FAAH2: variants seen among roughly 807,000 people sequenced by gnomAD.
The protein encoded by FAAH2 is fatty acid amide hydrolase 2.
A neutral mutation model predicts 36.9 loss-of-function variants in FAAH2; 60 were observed. The observed-to-expected ratio is 1.63, with a 90% confidence interval of 1.32 to 2.02. The LOEUF is 2.02. FAAH2 is among the 30% of genes most tolerant of loss of function. The pLI is 0.00. For synonymous variants in FAAH2, 214 were observed against 143.8 expected, an observed-to-expected ratio of 1.49 and a Z score of -3.49; for missense variants, 689 against 397.5, an observed-to-expected ratio of 1.73 and a Z score of -6.23.
intron 5 of FAAH2, among the ~76,000 whole-genome samples, chrX:57,349,198 CATATACAT>C (rs1346581574): frequency 2.3e-5 from 2 of 87,432 alleles, no homozygotes; most frequent in African/African-American, 8.2e-5. Context: ...TGTATATATA[CATATACAT>C]ATATACATAT....
chrX:57,396,469 A>G (rs2055301933), intron 7 of FAAH2, among the ~76,000 whole-genome samples: 1 of 105,975 alleles, frequency 9.4e-6, no homozygotes, highest in Non-Finnish European at 1.9e-5. Flanking sequence ...GAAGGCATTT[A>G]ATGCCATGAT....
intron 7 of FAAH2, among the ~76,000 whole-genome samples, chrX:57,419,519 T>C (rs2055948587): frequency 8.9e-6 from 1 of 112,300 alleles, no homozygotes; most frequent in African/African-American, 3.2e-5. Context: ...ATGTCTTCTT[T>C]TGAGAAGTGT....
chrX:57,324,476 G>C (rs2053146208), intron 3 of FAAH2, among the ~76,000 whole-genome samples: 1 of 111,896 alleles, frequency 8.9e-6, no homozygotes, highest in Admixed American at 9.5e-5. Flanking sequence ...CCATGAGCAT[G>C]GAATTTTCTT....
chrX:57,355,562 G>A (rs2054138404), intron 5 of FAAH2, among the ~76,000 whole-genome samples: 1 of 110,541 alleles, frequency 9.0e-6, no homozygotes, highest in African/African-American at 3.3e-5. Context: ...CATTGTGAAT[G>A]GGATTGCTTT....
the FAAH2 span, among the ~76,000 whole-genome samples, chrX:57,167,125 G>T: frequency 1.8e-5 from 2 of 111,744 alleles, no homozygotes; most frequent in Admixed American, 1.9e-4. Flanking sequence ...CCACAAAGAT[G>T]GGAGCATTCT....
At chrX:57,216,565 CGTATAT>C in the FAAH2 span, among the ~76,000 whole-genome samples, 2,371 of 20,401 alleles carry the variant, frequency 0.12, 413 homozygotes, top group African/African-American at 0.39. Context: ...TATATATATA[CGTATAT>C]GTATATATAT....
Position 57,488,933 on chromosome X carries a change from G to A in FAAH2, c.*1G>A. The stretch of plus-strand genomic sequence containing the variant: ...CTGGGTCTGTCCAGGAAAGTTTTAG[G>A]AGGACCTTCTGCAAGGTTAATGTGT... On this transcript the variant is annotated 3_prime_UTR_variant, in exon 11 of 11. Transcript: ENST00000374900. 1 of 1,208,207 alleles carries A rather than the reference G, an allele frequency of 8.3e-7. No homozygotes were observed. Among genetic ancestry groups the A allele is most frequent in the Admixed American group, 2.2e-5 (1 of 45,343 alleles).
At chrX:57,159,153 T>C in the FAAH2 span, among the ~76,000 whole-genome samples, 377 of 112,060 alleles carry the variant, frequency 3.4e-3, 2 homozygotes, top group African/African-American at 0.012. Context: ...TAGTTGTAGA[T>C]GTGTGGCATT....
chrX:57,241,839 C>T, the FAAH2 span, among the ~76,000 whole-genome samples: 2 of 111,214 alleles, frequency 1.8e-5, no homozygotes, highest in African/African-American at 3.3e-5. Context: ...TAATGGCCTC[C>T]GGAACTCACC....
chrX:57,244,477 T>G, the FAAH2 span, among the ~76,000 whole-genome samples: 6 of 110,952 alleles, frequency 5.4e-5, no homozygotes, highest in South Asian at 3.8e-4. Context: ...AAGGAAAAAA[T>G]TATCAGGTCA....
chrX:57,148,099 CTG>C, the FAAH2 span, among the ~76,000 whole-genome samples: 1 of 110,285 alleles, frequency 9.1e-6, no homozygotes, highest in Non-Finnish European at 1.9e-5. Context: ...TCTGGGGGCT[CTG>C]TTCTGTTTCA....
the FAAH2 span, among the ~76,000 whole-genome samples, chrX:57,224,313 C>T: frequency 9.8e-5 from 11 of 111,787 alleles, no homozygotes; most frequent in African/African-American, 2.9e-4. Context: ...AATACCAACC[C>T]GTCTCTCAAC....
rs771871081 is a variant in FAAH2 at position 57,288,338 on chromosome X, C to CTTTTTTTT, written c.192+1343_192+1350dup. On this transcript the variant is annotated intron_variant, in intron 1 of 10. Coordinates refer to ENST00000374900, the MANE Select transcript of FAAH2 (RefSeq NM_174912.4). Reference sequence around the variant, plus strand: ...TAGCTCTGTGATCTTAAAAACATTTCTTTTTTTTTTTTTTTTTTTTTTTTT... The same window carrying CTTTTTTTT: ...TAGCTCTGTGATCTTAAAAACATTTCTTTTTTTTTTTTTTTTTTTTTTTTTTTTTTTTT... 2.4e-3 allele frequency among the ~76,000 whole-genome samples: 95 copies of CTTTTTTTT among 40,343 alleles called. 15 individuals are homozygous for CTTTTTTTT. The highest frequency in any genetic ancestry group is 0.012 in the African/African-American group (89 of 7,297). 35.0% of individuals were successfully genotyped at this position (40,343 alleles called of 115,157 possible).
chrX:57,455,462 T>A (rs747592450), intron 10 of FAAH2, among the ~76,000 whole-genome samples: 1 of 110,582 alleles, frequency 9.0e-6, no homozygotes, highest in African/African-American at 3.3e-5. Context: ...TAACCCTGAA[T>A]GTAAAGGGTC....
Position 57,347,462 on chromosome X carries a change from T to C in FAAH2, c.742+6072T>C, listed in dbSNP as rs761776109. ...GCTGTTTCATCTCTCAGTTCTTAGA[T>C]CATTTTAATGGATTCCCTGGATTCC... On this transcript the variant is annotated intron_variant, in intron 5 of 10. Coordinates refer to ENST00000374900, the MANE Select transcript of FAAH2 (RefSeq NM_174912.4). 3.6e-5 allele frequency among the ~76,000 whole-genome samples: 4 copies of C among 111,117 alleles called. No individual in the cohort carries two copies. The East Asian group carries it at 8.5e-4, about 24-fold the overall frequency.
intron 8 of FAAH2, among the ~76,000 whole-genome samples, chrX:57,444,020 T>C (rs2056620934): frequency 8.9e-6 from 1 of 112,079 alleles, no homozygotes; most frequent in African/African-American, 3.2e-5. Context: ...AGTCAGCCCC[T>C]ACTGGGAGCT....
At chrX:57,313,391 G>A (rs2052748921) in intron 3 of FAAH2, among the ~76,000 whole-genome samples, 1 of 108,616 alleles carries the variant, frequency 9.2e-6, no homozygotes, top group Non-Finnish European at 1.9e-5. Flanking sequence ...ACAGATAATG[G>A]TGGCCACATA....
the FAAH2 span, among the ~76,000 whole-genome samples, chrX:57,277,841 A>C: frequency 9.0e-6 from 1 of 111,519 alleles, no homozygotes; most frequent in Non-Finnish European, 1.9e-5. Context: ...AAAGAGAATA[A>C]AATACCTAGC....
intron 8 of FAAH2, among the ~76,000 whole-genome samples, chrX:57,440,973 G>A (rs979484012): frequency 6.3e-5 from 7 of 111,689 alleles, no homozygotes; most frequent in Non-Finnish European, 1.3e-4. Flanking sequence ...TGGTGGATAA[G>A]CTTTTTGATG....
Sources: allele counts gnomAD v4.1 joint callset (sites outside exome capture counted in the v4.1 genomes callset), GRCh38; gene constraint gnomAD v4.1.1; transcripts MANE v1.5; gene names NCBI Gene and HGNC (gene_info 2026-07-23, HGNC 2026-07-21).